Variants in PMS1 observed in about 807,000 individuals in gnomAD.
PMS1 encodes the protein PMS1 protein homolog 1.
PMS1 carries 79 observed loss-of-function variants against 93.1 expected under a neutral mutation model. That is an observed-to-expected ratio of 0.85 (90% confidence interval 0.71 to 1.02). The LOEUF (loss-of-function observed/expected upper bound fraction) is 1.02. Ranked by LOEUF, PMS1 falls within the 50% of genes least tolerant of loss-of-function variation. The pLI is 0.00. For synonymous variants in PMS1, 335 were observed against 363.4 expected (o/e 0.92, Z 0.89); for missense variants, 1,064 against 1,085.3 (o/e 0.98, Z 0.28).
In PMS1 at chr2:189,874,616, C is replaced by T. The variant is rs73042358; in HGVS notation, c.2634+960C>T. ...CCTGAACTCTAATGAAGTTTTTCTC[C>T]CTTTTTAAAAATGAGCCATTTTTGT... is the stretch of plus-strand genomic sequence containing the variant. On this transcript the variant is annotated intron_variant, in intron 12 of 12. Transcript: ENST00000441310. Among the ~76,000 whole-genome samples, 327 of 152,168 alleles carry T rather than the reference C, an allele frequency of 2.1e-3. 2 individuals are homozygous for T. Among genetic ancestry groups the T allele is most frequent in the African/African-American group, 7.1e-3 (295 of 41,502 alleles).
intron 5 of PMS1, among the ~76,000 whole-genome samples, chr2:189,842,992 ATGTGTGTGTG>A (rs908540121): frequency 4.4e-5 from 6 of 135,946 alleles, no homozygotes; most frequent in Middle Eastern, 3.6e-3. Flanking sequence ...ACACACATAT[ATGTGTGTGTG>A]TATATATATA....
intron 4 of PMS1, chr2:189,806,730 C>T: frequency 5.0e-6 from 1 of 198,798 alleles, no homozygotes; most frequent in East Asian, 7.8e-5. Flanking sequence ...AAACTATTTA[C>T]TTATAAAGGT....
chr2:189,826,728 T>C (rs2052462103), intron 5 of PMS1, among the ~76,000 whole-genome samples: 1 of 152,178 alleles, frequency 6.6e-6, no homozygotes, highest in Non-Finnish European at 1.5e-5. Flanking sequence ...TCAGTGGCAG[T>C]GATTTGCATT....
intron 5 of PMS1, among the ~76,000 whole-genome samples, chr2:189,839,691 T>G (rs1291184650): frequency 6.6e-6 from 1 of 152,226 alleles, no homozygotes; most frequent in African/African-American, 2.4e-5. Flanking sequence ...AATAGTAGTT[T>G]TTATAATGTA....
intron 11 of PMS1, among the ~76,000 whole-genome samples, chr2:189,871,963 G>C (rs563057808): frequency 1.3e-5 from 2 of 152,238 alleles, no homozygotes; most frequent in African/African-American, 4.8e-5. Flanking sequence ...AGAGATGCCA[G>C]GCTCTTTTAA....
chr2:189,852,689 C>G lies in PMS1; in HGVS notation c.734C>G (p.Ala245Gly), dbSNP rs1195223296. Reference sequence around the variant, plus strand: ...AGTGGATTTCTTCCAAAGTGTGATGCAGACCACTCTTTCACTAGTCTTTCA... The same window carrying G: ...AGTGGATTTCTTCCAAAGTGTGATGGAGACCACTCTTTCACTAGTCTTTCA... ...YLSGFLPKCD[A>G]DHSFTSLSTP... The change falls in exon 7 of 13, where the codon GCA becomes GGA. Residue 245 changes from alanine (A) to glycine (G), a missense_variant. Ala to Gly is a moderately conservative substitution (Grantham distance 60, BLOSUM62 0). Transcript: ENST00000441310. The G allele has an allele frequency of 6.3e-7, 1 of 1,591,570 alleles. No individual in the cohort carries two copies. The highest frequency in any genetic ancestry group is 8.6e-7 in the Non-Finnish European group (1 of 1,159,888).
At chr2:189,791,968 C>A (rs2048909132) in intron 2 of PMS1, 27 bp downstream of exon 2, 5 of 1,607,808 alleles carry the variant, frequency 3.1e-6, no homozygotes, top group East Asian at 2.2e-5. Flanking sequence ...ACCCAAATAC[C>A]TTTAAGACAA....
chr2:189,811,251 C>T (rs2050817028), intron 4 of PMS1, among the ~76,000 whole-genome samples: 1 of 143,602 alleles, frequency 7.0e-6, no homozygotes, highest in Non-Finnish European at 1.5e-5. Context: ...ACTGGAATCT[C>T]AGGAGAGAGA....
intron 11 of PMS1, among the ~76,000 whole-genome samples, chr2:189,868,945 G>A (rs1166441906): frequency 6.6e-6 from 1 of 152,058 alleles, no homozygotes; most frequent in African/African-American, 2.4e-5. Flanking sequence ...TGTCTTCATT[G>A]AAAACAACTA....
rs539399117 is a variant in PMS1, at chr2:189,822,461, G to A, written c.582+4281G>A. On this transcript the variant is annotated intron_variant, in intron 5 of 12. Transcript: ENST00000441310. Reference sequence around the variant, plus strand: ...ACTTAAATAGAGGGTTTTTTTTTAAGGTATTGGGTCAGCTGATCGAGACTG... The same window carrying A: ...ACTTAAATAGAGGGTTTTTTTTTAAAGTATTGGGTCAGCTGATCGAGACTG... Among the ~76,000 whole-genome samples the A allele has an allele frequency of 3.2e-4, 49 of 151,726 alleles. No homozygotes were observed. In the East Asian group the frequency reaches 5.4e-3, roughly 17 times the overall value.
At chr2:189,853,864 GT>G (rs1260510783) in intron 7 of PMS1, 74 bp from the exon 8 acceptor site, 1 of 933,854 alleles carries the variant, frequency 1.1e-6, no homozygotes, top group East Asian at 2.7e-5. Flanking sequence ...CAATTTCTCA[GT>G]TGAATTTGCT....
intron 5 of PMS1, among the ~76,000 whole-genome samples, chr2:189,833,183 T>C (rs2053104611): frequency 6.6e-6 from 1 of 152,238 alleles, no homozygotes; most frequent in Non-Finnish European, 1.5e-5. Context: ...CATAGAATAG[T>C]GTTGACCTTT....
At chr2:189,795,487 T>C (rs2049270762) in intron 2 of PMS1, among the ~76,000 whole-genome samples, 1 of 152,196 alleles carries the variant, frequency 6.6e-6, no homozygotes, top group African/African-American at 2.4e-5. Flanking sequence ...AATTATTGTT[T>C]ATTGTAAATA....
intron 6 of PMS1, among the ~76,000 whole-genome samples, chr2:189,849,914 T>A (rs1369519886): frequency 6.9e-6 from 1 of 145,728 alleles, no homozygotes; most frequent in Non-Finnish European, 1.5e-5. Context: ...TGAGCCCCCT[T>A]TTTTAAATGG....
intron 4 of PMS1, among the ~76,000 whole-genome samples, chr2:189,814,983 C>G (rs532498896): frequency 6.6e-6 from 1 of 151,642 alleles, no homozygotes; most frequent in South Asian, 2.1e-4. Flanking sequence ...CCTGTAGTCC[C>G]AGCTACTCAG....
At chr2:189,859,873 G>A (rs771046640) in intron 9 of PMS1, among the ~76,000 whole-genome samples, 14 of 151,022 alleles carry the variant, frequency 9.3e-5, no homozygotes, top group Non-Finnish European at 1.8e-4. Flanking sequence ...TGTGATTATT[G>A]TAGTGACTAT....
intron 10 of PMS1, among the ~76,000 whole-genome samples, chr2:189,867,431 G>A (rs1462736058): frequency 4.6e-5 from 7 of 152,216 alleles, no homozygotes; most frequent in Admixed American, 4.6e-4. Flanking sequence ...ACTTTGAATA[G>A]CAGTTGAAAA....
chr2:189,808,306 C>G (rs1408626920), intron 4 of PMS1, among the ~76,000 whole-genome samples: 1 of 151,742 alleles, frequency 6.6e-6, no homozygotes, highest in Non-Finnish European at 1.5e-5. Flanking sequence ...AATTTGTTAC[C>G]CCTTTAAAAA....
intron 5 of PMS1, among the ~76,000 whole-genome samples, chr2:189,821,026 G>A (rs2051810011): frequency 6.6e-6 from 1 of 151,720 alleles, no homozygotes; most frequent in South Asian, 2.1e-4. Context: ...ATGACCTCTG[G>A]ATCCAGAGGA....
Sources: allele counts gnomAD v4.1 joint callset (sites outside exome capture counted in the v4.1 genomes callset), GRCh38; gene constraint gnomAD v4.1.1; transcripts MANE v1.5; gene names NCBI Gene and HGNC (gene_info 2026-07-23, HGNC 2026-07-21).